Variants in XPR1 observed in about 807,000 individuals in gnomAD.
XPR1 encodes the protein solute carrier family 53 member 1.
XPR1 carries 28 observed loss-of-function variants against 87.5 expected under a neutral mutation model. The ratio of observed to expected loss-of-function variants is 0.32; its 90% CI spans 0.24 to 0.44. XPR1 has a LOEUF of 0.44. XPR1 is among the 20% of genes least tolerant of loss of function. The pLI, the probability that XPR1 is intolerant of heterozygous loss-of-function variation, is 1.00. For synonymous variants in XPR1, 300 were observed against 306.1 expected, an observed-to-expected ratio of 0.98 and a Z score of 0.21; for missense variants, 559 against 862.3, an observed-to-expected ratio of 0.65 and a Z score of 4.41.
At chr1:180,840,166 T>G (rs1571885866) in intron 11 of XPR1, among the ~76,000 whole-genome samples, 1 of 136,694 alleles carries the variant, frequency 7.3e-6, no homozygotes, top group South Asian at 2.2e-4. Flanking sequence ...GAGCTTGCAG[T>G]GAGCCGAGAT....
chr1:180,858,227 A>G (rs1652100104), intron 11 of XPR1, among the ~76,000 whole-genome samples: 1 of 152,316 alleles, frequency 6.6e-6, no homozygotes, highest in South Asian at 2.1e-4. Context: ...AAACAAAAAC[A>G]AACAAAAAAT....
intron 2 of XPR1, among the ~76,000 whole-genome samples, chr1:180,765,952 G>A (rs886487710): frequency 6.6e-6 from 1 of 151,622 alleles, no homozygotes; most frequent in Non-Finnish European, 1.5e-5. Context: ...GTTCTTTGGT[G>A]CAGAAATTTA....
intron 2 of XPR1, among the ~76,000 whole-genome samples, chr1:180,703,108 G>A (rs1228735059): frequency 6.6e-6 from 1 of 152,072 alleles, no homozygotes; most frequent in Non-Finnish European, 1.5e-5. Flanking sequence ...TTTAGTGAAG[G>A]CTGTTTGAGG....
chr1:180,668,835 A>G (rs756158685), intron 1 of XPR1, among the ~76,000 whole-genome samples: 20 of 152,154 alleles, frequency 1.3e-4, no homozygotes, highest in Non-Finnish European at 2.9e-4. Context: ...CACACCTGTA[A>G]TCCCAGCACT....
chr1:180,666,972 G>T (rs1655983472), intron 1 of XPR1, among the ~76,000 whole-genome samples: 1 of 151,688 alleles, frequency 6.6e-6, no homozygotes, highest in South Asian at 2.1e-4. Flanking sequence ...CTGGAGTGCA[G>T]TGGCGCAATC....
At chr1:180,668,180 G>C (rs920362638) in intron 1 of XPR1, among the ~76,000 whole-genome samples, 3 of 135,100 alleles carry the variant, frequency 2.2e-5, no homozygotes, top group African/African-American at 5.7e-5. Flanking sequence ...CTAGGCTGGA[G>C]TGCAGTGGTG....
At chr1:180,702,835 TATC>T (rs1224861221) in intron 2 of XPR1, among the ~76,000 whole-genome samples, 1 of 152,108 alleles carries the variant, frequency 6.6e-6, no homozygotes, top group Admixed American at 6.6e-5. Context: ...TCTTTGGAGA[TATC>T]ATATTTTCTT....
intron 2 of XPR1, among the ~76,000 whole-genome samples, chr1:180,684,345 T>C (rs1349574533): frequency 6.6e-6 from 1 of 151,986 alleles, no homozygotes; most frequent in Admixed American, 6.6e-5. Flanking sequence ...TTGGTACCAG[T>C]ACCATGCTGT....
intron 2 of XPR1, among the ~76,000 whole-genome samples, chr1:180,691,326 G>C (rs914595588): frequency 1.3e-5 from 2 of 152,172 alleles, no homozygotes; most frequent in East Asian, 3.9e-4. Context: ...AGGATTTTTT[G>C]ATATATATCT....
chr1:180,760,997 C>G (rs568667697), intron 2 of XPR1, among the ~76,000 whole-genome samples: 6,356 of 151,794 alleles, frequency 0.042, 419 homozygotes, highest in African/African-American at 0.14. Flanking sequence ...ACAAACCTGA[C>G]AAAAACAAGC....
intron 1 of XPR1, among the ~76,000 whole-genome samples, chr1:180,641,176 T>G (rs1654950036): frequency 6.6e-6 from 1 of 152,192 alleles, no homozygotes; most frequent in Non-Finnish European, 1.5e-5. Flanking sequence ...TCCTCATCTG[T>G]AAAACAGGGA....
rs756319971 is a variant in XPR1, at chr1:180,803,453, G to T, written c.289G>T (p.Ala97Ser). Residue 97 changes from alanine to serine, a missense_variant, in exon 4 of 15, where the codon GCA becomes TCA. By Grantham distance (99) the Ala-to-Ser change is moderately conservative. Coordinates refer to ENST00000367590, the MANE Select transcript of XPR1 (RefSeq NM_004736.4). Reference protein sequence around the residue: ...LQNELQSSLDAQKESTGVTTL... With the variant: ...LQNELQSSLDSQKESTGVTTL... ...GAATGAGCTTCAGTCATCACTGGAT[G>T]CACAGAAAGAAAGCACTGGTGTTAC... 6 of 1,613,958 alleles carry T rather than the reference G, an allele frequency of 3.7e-6. No individual in the cohort carries two copies. Among genetic ancestry groups the T allele is most frequent in the Non-Finnish European group, 4.2e-6 (5 of 1,180,002 alleles).
At chr1:180,711,587 G>A (rs539951916) in intron 2 of XPR1, among the ~76,000 whole-genome samples, 32 of 152,038 alleles carry the variant, frequency 2.1e-4, no homozygotes, top group South Asian at 6.2e-4. Context: ...TGGGCTCGGC[G>A]TCAGAGGGAG....
intron 3 of XPR1, among the ~76,000 whole-genome samples, chr1:180,792,138 G>C (rs1009484688): frequency 7.9e-5 from 12 of 152,110 alleles, no homozygotes; most frequent in African/African-American, 2.9e-4. Flanking sequence ...GAAGATTGTA[G>C]ACTGCAGTTG....
rs1017432038 is a variant in XPR1 at position 180,806,121 on chromosome 1, A to G, written c.507A>G (p.Thr169=). The G allele has an allele frequency of 1.9e-6, 3 of 1,613,982 alleles. No homozygotes were observed. Among genetic ancestry groups the G allele is most frequent in the African/African-American group, 1.3e-5 (1 of 75,052 alleles). ...AAAAGCATGACAAGATCCTGGAAAC[A>G]TCTCGTGGAGCAGATTGGCGAGTGG... ...ILKKHDKILE[T]SRGADWRVAH... Residue 169 remains threonine, a synonymous_variant, in exon 5 of 15, where the codon ACA becomes ACG. Coordinates refer to ENST00000367590, the MANE Select transcript of XPR1 (RefSeq NM_004736.4).
At chr1:180,865,274 A>G (rs1283368639) in intron 12 of XPR1, among the ~76,000 whole-genome samples, 1 of 152,246 alleles carries the variant, frequency 6.6e-6, no homozygotes, top group African/African-American at 2.4e-5. Context: ...TCTAATTTGA[A>G]AAGAAAATTA....
chr1:180,643,260 C>G (rs932050886), intron 1 of XPR1, among the ~76,000 whole-genome samples: 4 of 152,030 alleles, frequency 2.6e-5, no homozygotes, highest in African/African-American at 9.7e-5. Flanking sequence ...TGAATTAATA[C>G]CTTATTTAGT....
rs531559192 is a variant in XPR1 at position 180,733,289 on chromosome 1, A to G, written c.121+50878A>G. On this transcript the variant is annotated intron_variant, in intron 2 of 14. Coordinates refer to ENST00000367590, the MANE Select transcript of XPR1 (RefSeq NM_004736.4). ...TTGTTCCTAGCCCTAGCTGGGAACC[A>G]TGCCCTCCTCTACCCAGCACTTCCC... Among the ~76,000 whole-genome samples, 26 of 152,246 alleles carry G rather than the reference A, an allele frequency of 1.7e-4. No individual in the cohort carries two copies. The South Asian group carries it at 5.2e-3, about 30-fold the overall frequency.
intron 2 of XPR1, among the ~76,000 whole-genome samples, chr1:180,716,808 C>T (rs377082117): frequency 7.6e-4 from 116 of 152,284 alleles, no homozygotes; most frequent in African/African-American, 2.8e-3. Flanking sequence ...AAACAAATGA[C>T]TTAGGTATAT....
Sources: allele counts gnomAD v4.1 joint callset (sites outside exome capture counted in the v4.1 genomes callset), GRCh38; gene constraint gnomAD v4.1.1; transcripts MANE v1.5; gene names NCBI Gene and HGNC (gene_info 2026-07-23, HGNC 2026-07-21).